Variants in IL31RA observed in about 807,000 individuals in gnomAD.
The protein encoded by IL31RA is interleukin 31 receptor A.
In IL31RA, 66 loss-of-function variants were observed where a neutral mutation model predicts 83.7. That is an observed-to-expected ratio of 0.79 (90% CI 0.65 to 0.97). The LOEUF (loss-of-function observed/expected upper bound fraction) is 0.97, where lower values mean the gene tolerates loss of function less well. IL31RA is among the 50% of genes least tolerant of loss of function. The pLI, the probability that IL31RA is intolerant of heterozygous loss-of-function variation, is 0.00. For missense variants in IL31RA, 798 were observed against 919.4 expected, an observed-to-expected ratio of 0.87 and a Z score of 1.71; for synonymous variants, 325 against 329.0, an observed-to-expected ratio of 0.99 and a Z score of 0.13.
chr5:55,922,380 T>A lies in IL31RA; in HGVS notation c.*5260T>A. 7 of 1,548,866 alleles carry A rather than the reference T, an allele frequency of 4.5e-6. No homozygotes were observed. Among genetic ancestry groups the A allele is most frequent in the Non-Finnish European group, 5.2e-6 (6 of 1,144,964 alleles). On this transcript the variant is annotated 3_prime_UTR_variant, in exon 15 of 15. Coordinates refer to ENST00000652347, the MANE Select transcript of IL31RA (RefSeq NM_139017.7). ...CAAGGGAAGTGAGATACTTGTACTATGCATTTCATTTTTAGGACTAGAATT... is the reference window on the plus strand; with the variant it reads ...CAAGGGAAGTGAGATACTTGTACTAAGCATTTCATTTTTAGGACTAGAATT...
At chr5:55,841,675 A>G in the IL31RA span, among the ~76,000 whole-genome samples, 2 of 152,178 alleles carry the variant, frequency 1.3e-5, no homozygotes. Flanking sequence ...AGCTCCACTC[A>G]GCTGACTTTG....
intron 11 of IL31RA, 81 bp from the exon 12 acceptor site, chr5:55,910,451 A>G (rs983180166): frequency 6.7e-6 from 10 of 1,503,162 alleles, no homozygotes; most frequent in Admixed American, 1.7e-5. Context: ...ACAGGTTCCA[A>G]TGCTCTTATT....
At position 55,919,744 on chromosome 5, in the gene IL31RA, G is replaced by A. The variant is rs536948868; in HGVS notation, c.*2624G>A. Among the ~76,000 whole-genome samples the A allele has an allele frequency of 6.6e-6, 1 of 152,224 alleles. No individual in the cohort carries two copies. The highest frequency in any genetic ancestry group is 2.1e-4 in the South Asian group (1 of 4,822). ...ATGAGTCCCCAAAAGGCACTGGTGG[G>A]CCACACCTTAGCTCTCCTGAGCAGG... On this transcript the variant is annotated 3_prime_UTR_variant, in exon 15 of 15. Transcript: ENST00000652347.
In IL31RA at chr5:55,917,236, A is replaced by G; in HGVS notation, c.*116A>G. ...CCCTGCCACATCCTGCCTAGGTTAA[A>G]GTTTCCCCTGCCCCTTGAGCTGCCA... On this transcript the variant is annotated 3_prime_UTR_variant, in exon 15 of 15. Transcript: ENST00000652347. 6.3e-7 allele frequency: 1 copy of G among 1,592,332 alleles called. No individual in the cohort carries two copies.
intron 5 of IL31RA, among the ~76,000 whole-genome samples, chr5:55,888,974 G>A (rs1472533200): frequency 6.6e-6 from 1 of 152,178 alleles, no homozygotes; most frequent in Admixed American, 6.5e-5. Flanking sequence ...GATGCAAGTA[G>A]TATCAGGACT....
Position 55,920,558 on chromosome 5 carries a change from G to A in IL31RA, c.*3438G>A, listed in dbSNP as rs968779570. Among the ~76,000 whole-genome samples the A allele has an allele frequency of 2.6e-5, 4 of 152,226 alleles. No individual in the cohort carries two copies. Among genetic ancestry groups the A allele is most frequent in the Admixed American group, 1.3e-4 (2 of 15,286 alleles). On this transcript the variant is annotated 3_prime_UTR_variant, in exon 15 of 15. Transcript: ENST00000652347. ...CTTGCCCCTACAAAGGCAGAGTTGAGTAGTTTCAACACAGAGTTTTTCCCA... is the reference window on the plus strand; with the variant it reads ...CTTGCCCCTACAAAGGCAGAGTTGAATAGTTTCAACACAGAGTTTTTCCCA...
intron 5 of IL31RA, among the ~76,000 whole-genome samples, chr5:55,886,351 G>A (rs1747617580): frequency 7.2e-6 from 1 of 139,064 alleles, no homozygotes. Context: ...TTGGCTCACT[G>A]CAACCTCCAC....
At chr5:55,862,222 CTG>C (rs1380306550) in intron 2 of IL31RA, among the ~76,000 whole-genome samples, 3 of 152,134 alleles carry the variant, frequency 2.0e-5, no homozygotes, top group African/African-American at 7.2e-5. Flanking sequence ...TATAGAAAAA[CTG>C]TGAAAATAGC....
At chr5:55,907,645 A>G (rs1192824448) in intron 10 of IL31RA, among the ~76,000 whole-genome samples, 185 bp downstream of exon 10, 1 of 152,212 alleles carries the variant, frequency 6.6e-6, no homozygotes, top group African/African-American at 2.4e-5. Flanking sequence ...ATTAGAGATC[A>G]TTGAGTCCAA....
Position 55,889,965 on chromosome 5 carries a change from T to C in IL31RA, c.607-5T>C, listed in dbSNP as rs886739485. 1.9e-6 allele frequency: 3 copies of C among 1,613,866 alleles called. No individual in the cohort carries two copies. The highest frequency in any genetic ancestry group is 2.7e-5 in the African/African-American group (2 of 74,908). ...TTTCAGTTTAGGATTGTCTCTGTCT[T>C]GTAGATGGAAGTCAACTTCGCTAAG... On this transcript the variant is annotated splice_polypyrimidine_tract_variant and splice_region_variant and intron_variant, in intron 5 of 14. Transcript: ENST00000652347.
At chr5:55,878,760 T>C (rs1747013195) in intron 4 of IL31RA, among the ~76,000 whole-genome samples, 1 of 152,186 alleles carries the variant, frequency 6.6e-6, no homozygotes, top group African/African-American at 2.4e-5. Context: ...CTCAAGCCAT[T>C]CTCCCACCTC....
chr5:55,898,130 A>C lies in IL31RA; in HGVS notation c.852+1701A>C, dbSNP rs150480121. ...GTGCTGTCTTTCTCAGCCATCAAGT[A>C]TGAAAACAAATGATTGTGGCAACAC... On this transcript the variant is annotated intron_variant, in intron 7 of 14. Transcript: ENST00000652347. Among the ~76,000 whole-genome samples, 23 of 152,354 alleles carry C rather than the reference A, an allele frequency of 1.5e-4. No homozygotes were observed. The East Asian group carries it at 4.4e-3, about 29-fold the overall frequency.
the IL31RA span, among the ~76,000 whole-genome samples, chr5:55,842,950 G>A: frequency 1.3e-5 from 2 of 152,106 alleles, no homozygotes; most frequent in East Asian, 1.9e-4. Context: ...GCTCTGCCCC[G>A]TCTTTCCTGC....
intron 4 of IL31RA, among the ~76,000 whole-genome samples, chr5:55,877,820 T>A (rs1168674154): frequency 5.9e-5 from 9 of 152,300 alleles, no homozygotes; most frequent in Admixed American, 6.5e-5. Flanking sequence ...TTTGGGTTTA[T>A]CCTACTTGGT....
chr5:55,912,766 A>G lies in IL31RA; in HGVS notation c.1643-711A>G, dbSNP rs1342108911. Among the ~76,000 whole-genome samples, 10 of 152,158 alleles carry G rather than the reference A, an allele frequency of 6.6e-5. No homozygotes were observed. The East Asian group carries it at 1.9e-3, about 29-fold the overall frequency. On this transcript the variant is annotated intron_variant, in intron 12 of 14. Transcript: ENST00000652347. Reference sequence around the variant, plus strand: ...GAGCCAAGATGCACCACTGCACTCCAGCCTGGGCAACAGAGCGAGACTCCA... The same window carrying G: ...GAGCCAAGATGCACCACTGCACTCCGGCCTGGGCAACAGAGCGAGACTCCA...
intron 10 of IL31RA, 61 bp from the exon 11 acceptor site, chr5:55,908,203 TG>T (rs1561120961): frequency 4.4e-6 from 7 of 1,608,692 alleles, no homozygotes; most frequent in Non-Finnish European, 5.9e-6. Flanking sequence ...AGGGCCTTTG[TG>T]GGGGAACGAT....
intron 2 of IL31RA, among the ~76,000 whole-genome samples, chr5:55,867,122 T>TGCATGTGTG (rs1561542873): frequency 2.4e-3 from 308 of 130,774 alleles, no homozygotes; most frequent in African/African-American, 7.9e-3. Context: ...CATGTGTGTG[T>TGCATGTGTG]TTGTGTGTGT....
intron 11 of IL31RA, chr5:55,908,861 T>A: frequency 7.6e-7 from 1 of 1,322,504 alleles, no homozygotes; most frequent in South Asian, 2.6e-5. Flanking sequence ...GATTCTTGCT[T>A]AGGCTAAATA....
Position 55,858,051 on chromosome 5 carries a change from A to T in IL31RA, c.64-1458A>T, listed in dbSNP as rs1162910682. 1.1e-4 allele frequency among the ~76,000 whole-genome samples: 17 copies of T among 151,686 alleles called. No individual in the cohort carries two copies. The East Asian group carries it at 2.3e-3, about 21-fold the overall frequency. Reference sequence around the variant, plus strand: ...GATTTTTTTCTAAGGTTTTTTTTTTAAATTTCACAAATAATAGCTGAGTAT... The same window carrying T: ...GATTTTTTTCTAAGGTTTTTTTTTTTAATTTCACAAATAATAGCTGAGTAT... On this transcript the variant is annotated intron_variant, in intron 1 of 14. Coordinates refer to ENST00000652347, the MANE Select transcript of IL31RA (RefSeq NM_139017.7).
Sources: gnomAD v4.1 joint callset for allele counts (sites outside exome capture counted in the v4.1 genomes callset) on GRCh38, gnomAD v4.1.1 for gene constraint, MANE v1.5 for transcripts, NCBI Gene and HGNC (gene_info 2026-07-23, HGNC 2026-07-21) for gene names.